Variants in PAG1 observed in about 807,000 individuals in gnomAD.
PAG1 encodes phosphoprotein membrane anchor with glycosphingolipid microdomains 1, also known as phosphoprotein associated with glycosphingolipid-enriched microdomains 1.
PAG1 carries 23 observed loss-of-function variants against 31.7 expected under a neutral mutation model. The ratio of observed to expected loss-of-function variants is 0.73; its 90% CI spans 0.52 to 1.03. The LOEUF (loss-of-function observed/expected upper bound fraction) is 1.03. PAG1 is among the 50% of genes least tolerant of loss of function. PAG1 has a pLI of 0.00. For missense variants in PAG1, 473 were observed against 540.7 expected (o/e 0.87, Z 1.24); for synonymous variants, 214 against 210.3 (o/e 1.02, Z -0.15).
At chr8:81,079,165 G>C (rs1174528925) in intron 1 of PAG1, among the ~76,000 whole-genome samples, 3 of 151,868 alleles carry the variant, frequency 2.0e-5, no homozygotes, top group African/African-American at 7.3e-5. Context: ...TCCACTCCTT[G>C]ATTTCCCCCC....
intron 1 of PAG1, among the ~76,000 whole-genome samples, chr8:81,085,418 A>C (rs1809334705): frequency 6.6e-6 from 1 of 152,212 alleles, no homozygotes; most frequent in Non-Finnish European, 1.5e-5. Flanking sequence ...ACAAAAAATT[A>C]AATAACTCAG....
chr8:81,064,376 C>T (rs1195263242), intron 2 of PAG1, among the ~76,000 whole-genome samples: 1 of 152,160 alleles, frequency 6.6e-6, no homozygotes, highest in African/African-American at 2.4e-5. Context: ...TGCTGTGTGG[C>T]CTGGTTCCTG....
rs1332471189 is a variant in PAG1 at position 81,021,915 on chromosome 8, AT to A, written c.-81+8080del. On this transcript the variant is annotated intron_variant, in intron 3 of 8. Coordinates refer to ENST00000220597, the MANE Select transcript of PAG1 (RefSeq NM_018440.4). ...CAGAAGAAAGAAAAAACATTGTGCAATTTGTCACCATTTACTTTAGAGGAGT... is the reference window on the plus strand; with the variant it reads ...CAGAAGAAAGAAAAAACATTGTGCAATTGTCACCATTTACTTTAGAGGAGT... Among the ~76,000 whole-genome samples, 4 of 152,296 alleles carry A rather than the reference AT, an allele frequency of 2.6e-5. No individual in the cohort carries two copies. The East Asian group carries it at 7.7e-4, about 29-fold the overall frequency.
chr8:81,027,738 T>C (rs998681825), intron 3 of PAG1, among the ~76,000 whole-genome samples: 5 of 151,912 alleles, frequency 3.3e-5, no homozygotes, highest in African/African-American at 1.2e-4. Context: ...ACCCTGTCTC[T>C]ATTAAAAATA....
At chr8:81,027,376 C>T (rs550136976) in intron 3 of PAG1, among the ~76,000 whole-genome samples, 1 of 152,262 alleles carries the variant, frequency 6.6e-6, no homozygotes, top group South Asian at 2.1e-4. Context: ...TTTTAAAAGA[C>T]TGAGAAACTT....
At chr8:81,011,042 C>T in intron 3 of PAG1, among the ~76,000 whole-genome samples, 1 of 152,234 alleles carries the variant, frequency 6.6e-6, no homozygotes, top group East Asian at 1.9e-4. Flanking sequence ...CACTCCACTA[C>T]ACTCAGCCTT....
At chr8:81,063,210 A>G (rs1346069944) in intron 2 of PAG1, among the ~76,000 whole-genome samples, 1 of 152,226 alleles carries the variant, frequency 6.6e-6, no homozygotes, top group Non-Finnish European at 1.5e-5. Context: ...CGAGGCTCAG[A>G]TAAGGCCATG....
At chr8:81,075,130 A>T (rs1809156197) in intron 1 of PAG1, among the ~76,000 whole-genome samples, 1 of 152,180 alleles carries the variant, frequency 6.6e-6, no homozygotes, top group Non-Finnish European at 1.5e-5. Flanking sequence ...AGTGTCCTCA[A>T]TTCAGCCTGT....
At chr8:80,979,559 C>T (rs1259694924) in intron 8 of PAG1, among the ~76,000 whole-genome samples, 1 of 152,132 alleles carries the variant, frequency 6.6e-6, no homozygotes, top group African/African-American at 2.4e-5. Context: ...CGAGGGTGGG[C>T]AATATCACCT....
chr8:81,019,258 C>A (rs1259040568), intron 3 of PAG1, among the ~76,000 whole-genome samples: 1 of 152,140 alleles, frequency 6.6e-6, no homozygotes, highest in Non-Finnish European at 1.5e-5. Context: ...AAAAGAAAAA[C>A]CCATTTTCTG....
At chr8:81,024,829 T>G (rs1451697936) in intron 3 of PAG1, among the ~76,000 whole-genome samples, 2 of 152,256 alleles carry the variant, frequency 1.3e-5, no homozygotes, top group Non-Finnish European at 2.9e-5. Flanking sequence ...AGAATGTATT[T>G]TGCATAATAA....
At chr8:81,105,116 G>A (rs555001772) in intron 1 of PAG1, among the ~76,000 whole-genome samples, 1 of 152,104 alleles carries the variant, frequency 6.6e-6, no homozygotes, top group East Asian at 1.9e-4. Flanking sequence ...GGCTCTTCCA[G>A]ACTCCATCAA....
intron 1 of PAG1, among the ~76,000 whole-genome samples, chr8:81,088,505 T>C (rs890261561): frequency 6.6e-6 from 1 of 152,130 alleles, no homozygotes; most frequent in Non-Finnish European, 1.5e-5. Context: ...GCAAAATGAC[T>C]ATAATACAAA....
intron 1 of PAG1, among the ~76,000 whole-genome samples, chr8:81,080,351 T>C (rs1357788372): frequency 3.3e-5 from 5 of 152,122 alleles, no homozygotes. Context: ...TTTTCAGAAA[T>C]AGAACTTTAA....
chr8:81,084,692 A>G (rs1210550865), intron 1 of PAG1, among the ~76,000 whole-genome samples: 3 of 152,164 alleles, frequency 2.0e-5, no homozygotes, highest in Non-Finnish European at 4.4e-5. Flanking sequence ...GTCTTACGTA[A>G]GATTATATTT....
rs139361782 is a variant in PAG1, at chr8:81,055,430, T to G, written c.-175+14682A>C. ...TTTTTGAAAAATTAAGAACTGACTTTAATTCCATCTTAGCAATAACTGATA... is the reference window on the plus strand; with the variant it reads ...TTTTTGAAAAATTAAGAACTGACTTGAATTCCATCTTAGCAATAACTGATA... On this transcript the variant is annotated intron_variant, in intron 2 of 8. Transcript: ENST00000220597. Among the ~76,000 whole-genome samples, 832 of 152,288 alleles carry G rather than the reference T, an allele frequency of 5.5e-3. 8 individuals are homozygous for G. Among genetic ancestry groups the G allele is most frequent in the African/African-American group, 0.019 (771 of 41,560 alleles).
chr8:81,084,256 T>C (rs1809316199), intron 1 of PAG1, among the ~76,000 whole-genome samples: 1 of 152,172 alleles, frequency 6.6e-6, no homozygotes, highest in Admixed American at 6.6e-5. Flanking sequence ...GTCTACTCCA[T>C]GTTCCTGGAA....
intron 2 of PAG1, among the ~76,000 whole-genome samples, chr8:81,051,783 C>T (rs1321774104): frequency 1.3e-5 from 2 of 152,056 alleles, no homozygotes; most frequent in East Asian, 1.9e-4. Context: ...TTTTCAGTTA[C>T]GTAAAAAATG....
intron 3 of PAG1, among the ~76,000 whole-genome samples, chr8:81,024,219 C>T (rs962747038): frequency 6.6e-6 from 1 of 152,102 alleles, no homozygotes; most frequent in African/African-American, 2.4e-5. Flanking sequence ...CAACACAAAA[C>T]CCCTGGGACA....
Sources: gnomAD v4.1 joint callset for allele counts (sites outside exome capture counted in the v4.1 genomes callset) on GRCh38, gnomAD v4.1.1 for gene constraint, MANE v1.5 for transcripts, NCBI Gene and HGNC (gene_info 2026-07-23, HGNC 2026-07-21) for gene names.